SPOCK3: variants seen among roughly 807,000 people sequenced by gnomAD.
The protein encoded by SPOCK3 is SPARC (osteonectin), cwcv and kazal like domains proteoglycan 3.
SPOCK3 carries 30 observed loss-of-function variants against 56.6 expected under a neutral mutation model. The observed-to-expected ratio is 0.53, with a 90% CI of 0.40 to 0.72. The LOEUF (loss-of-function observed/expected upper bound fraction) is 0.72. Among genes scored for constraint, SPOCK3 ranks in the 30% least tolerant of loss-of-function variants. The probability of loss-of-function intolerance (pLI) is 0.00; values close to 1 mark genes in which losing one functional copy is unlikely to be tolerated. For missense variants in SPOCK3, 527 were observed against 530.0 expected, an observed-to-expected ratio of 0.99 and a Z score of 0.06; for synonymous variants, 196 against 183.3, an observed-to-expected ratio of 1.07 and a Z score of -0.56.
At chr4:166,873,798 G>A (rs934978780) in intron 6 of SPOCK3, among the ~76,000 whole-genome samples, 4 of 152,090 alleles carry the variant, frequency 2.6e-5, no homozygotes, top group South Asian at 2.1e-4. Context: ...TAAGAACATA[G>A]GTTGGTAGTT....
intron 2 of SPOCK3, among the ~76,000 whole-genome samples, chr4:167,079,258 C>T (rs1428186557): frequency 1.3e-5 from 2 of 151,990 alleles, no homozygotes; most frequent in African/African-American, 4.8e-5. Flanking sequence ...GTCTTCAAAA[C>T]TTTCAAAACT....
chr4:167,101,944 C>T (rs547098836), intron 2 of SPOCK3, among the ~76,000 whole-genome samples: 3 of 151,814 alleles, frequency 2.0e-5, no homozygotes, highest in Admixed American at 6.6e-5. Flanking sequence ...GTGATCTGCC[C>T]GCCTTGGGCT....
rs571615818 is a variant in SPOCK3, at chr4:166,809,205, C to T, written c.590-16916G>A. 5.3e-5 allele frequency among the ~76,000 whole-genome samples: 8 copies of T among 151,926 alleles called. No homozygotes were observed. The East Asian group carries it at 1.6e-3, about 30-fold the overall frequency. ...TATATTTGTTATTTATTCCATCCTCCTGCTTGCCTTCCATCCTTCATTCTT... is the reference window on the plus strand; with the variant it reads ...TATATTTGTTATTTATTCCATCCTCTTGCTTGCCTTCCATCCTTCATTCTT... On this transcript the variant is annotated intron_variant, in intron 6 of 10. Transcript: ENST00000357545.
intron 2 of SPOCK3, among the ~76,000 whole-genome samples, chr4:167,113,796 T>C (rs1207841523): frequency 6.6e-6 from 1 of 151,878 alleles, no homozygotes; most frequent in African/African-American, 2.4e-5. Context: ...TGGACAAAGG[T>C]GAAGAGTATC....
chr4:167,015,045 A>C (rs544829279), intron 3 of SPOCK3, among the ~76,000 whole-genome samples: 1 of 152,184 alleles, frequency 6.6e-6, no homozygotes, highest in South Asian at 2.1e-4. Context: ...AAAACCATGC[A>C]ATCAGAAATA....
At chr4:167,077,123 A>G (rs943518730) in intron 2 of SPOCK3, among the ~76,000 whole-genome samples, 4 of 151,932 alleles carry the variant, frequency 2.6e-5, no homozygotes, top group Non-Finnish European at 4.4e-5. Context: ...ATTTCATTTT[A>G]TATTAAGTGA....
At chr4:166,781,936 T>C (rs1740229348) in intron 7 of SPOCK3, among the ~76,000 whole-genome samples, 1 of 152,128 alleles carries the variant, frequency 6.6e-6, no homozygotes, top group Non-Finnish European at 1.5e-5. Context: ...TGAAAATATA[T>C]TTTAAAAAAG....
At chr4:167,230,822 C>T (rs564755654) in intron 2 of SPOCK3, among the ~76,000 whole-genome samples, 1 of 152,216 alleles carries the variant, frequency 6.6e-6, no homozygotes, top group Admixed American at 6.5e-5. Flanking sequence ...ACACTCCAAG[C>T]GTCCTTCAAA....
intron 2 of SPOCK3, among the ~76,000 whole-genome samples, chr4:167,211,689 G>A (rs1408710248): frequency 6.6e-6 from 1 of 152,126 alleles, no homozygotes; most frequent in Non-Finnish European, 1.5e-5. Flanking sequence ...CCATGATTGT[G>A]AGGTCTCTCA....
intron 4 of SPOCK3, among the ~76,000 whole-genome samples, chr4:166,977,893 C>T (rs1484348448): frequency 6.6e-6 from 1 of 152,174 alleles, no homozygotes; most frequent in Non-Finnish European, 1.5e-5. Context: ...CTTGATAAAA[C>T]TGCAACTGCA....
chr4:167,002,795 T>C (rs1290890550), intron 3 of SPOCK3, among the ~76,000 whole-genome samples: 1 of 152,158 alleles, frequency 6.6e-6, no homozygotes, highest in Non-Finnish European at 1.5e-5. Flanking sequence ...CACTATAACT[T>C]AGAAGACATT....
intron 10 of SPOCK3, among the ~76,000 whole-genome samples, chr4:166,736,573 C>T (rs139164288): frequency 7.2e-5 from 11 of 151,868 alleles, no homozygotes; most frequent in African/African-American, 2.4e-4. Context: ...TTTTAATAGT[C>T]TTAGTTTATT....
intron 8 of SPOCK3, 68 bp downstream of exon 8, chr4:166,754,440 T>C: frequency 6.5e-7 from 1 of 1,546,404 alleles, no homozygotes; most frequent in Non-Finnish European, 8.7e-7. Flanking sequence ...TGTTTTATTT[T>C]CTTAAAAAAT....
At chr4:167,042,486 T>C (rs1054453802) in intron 3 of SPOCK3, among the ~76,000 whole-genome samples, 1 of 152,140 alleles carries the variant, frequency 6.6e-6, no homozygotes, top group African/African-American at 2.4e-5. Context: ...ATGGAGCTAA[T>C]GATGTAGTAG....
At chr4:167,205,527 T>TAA (rs1244616174) in intron 2 of SPOCK3, among the ~76,000 whole-genome samples, 1 of 57,080 alleles carries the variant, frequency 1.8e-5, no homozygotes. Flanking sequence ...ATTATATATA[T>TAA]TATTATATAA....
Position 166,734,156 on chromosome 4 carries a change from C to G in SPOCK3, c.*765G>C, listed in dbSNP as rs1733995285. ...AATTTAAATTCTGCTCCCTAAGTTGCTGGTCAGAAAGATAAAGAAATCTAG... is the reference window on the plus strand; with the variant it reads ...AATTTAAATTCTGCTCCCTAAGTTGGTGGTCAGAAAGATAAAGAAATCTAG... On this transcript the variant is annotated 3_prime_UTR_variant, in exon 11 of 11. Coordinates refer to ENST00000357545, the MANE Select transcript of SPOCK3 (RefSeq NM_001040159.2). 1 of 151,736 alleles carries G rather than the reference C, an allele frequency of 6.6e-6. No homozygotes were observed. Among genetic ancestry groups the G allele is most frequent in the African/African-American group, 2.4e-5 (1 of 41,366 alleles). The allele number at this position is 151,736 out of a possible 1,614,324, so 9.4% of individuals were successfully genotyped here. A position where few individuals can be genotyped will look rare whatever the true frequency, so the allele number is the denominator to read the frequency against.
chr4:166,735,214 T>C (rs1734103008), intron 10 of SPOCK3, 124 bp from the exon 11 acceptor site: 1 of 637,770 alleles, frequency 1.6e-6, no homozygotes, highest in Non-Finnish European at 2.7e-6. Flanking sequence ...ATCTTATTTA[T>C]CAAAGATAAT....
chr4:166,849,957 T>A (rs1402782489), intron 6 of SPOCK3, among the ~76,000 whole-genome samples: 1 of 152,188 alleles, frequency 6.6e-6, no homozygotes, highest in Non-Finnish European at 1.5e-5. Context: ...TATGTATATA[T>A]CACATTTTGT....
chr4:167,201,739 T>C (rs1378105398), intron 2 of SPOCK3, among the ~76,000 whole-genome samples: 1 of 151,742 alleles, frequency 6.6e-6, no homozygotes, highest in Non-Finnish European at 1.5e-5. Context: ...AAACATTGCA[T>C]CTGGTAGTTC....
Sources: gnomAD v4.1 joint callset for allele counts (sites outside exome capture counted in the v4.1 genomes callset) on GRCh38, gnomAD v4.1.1 for gene constraint, MANE v1.5 for transcripts, NCBI Gene and HGNC (gene_info 2026-07-23, HGNC 2026-07-21) for gene names.